Variants in ZNF875 observed in about 807,000 individuals in gnomAD.
ZNF875 encodes zinc finger protein 875.
ZNF875 carries 14 observed loss-of-function variants against 11.2 expected under a neutral mutation model. That is an observed-to-expected ratio of 1.26 (90% confidence interval 0.83 to 1.96). The LOEUF is 1.96. ZNF875 is among the 30% of genes most tolerant of loss of function. The pLI is 0.00. For missense variants in ZNF875, 752 were observed against 760.4 expected (o/e 0.99, Z 0.13); for synonymous variants, 301 against 281.1 (o/e 1.07, Z -0.71).
At chr19:37,350,334 G>A (rs374595742) in intron 4 of ZNF875, among the ~76,000 whole-genome samples, 2 of 150,656 alleles carry the variant, frequency 1.3e-5, no homozygotes, top group East Asian at 2.0e-4. Context: ...CTCATGATCC[G>A]CCCACCTCAG....
rs187024486 is a variant in ZNF875 at position 37,339,369 on chromosome 19, T to G, written c.33+4112T>G. Among the ~76,000 whole-genome samples, 4 of 152,182 alleles carry G rather than the reference T, an allele frequency of 2.6e-5. No homozygotes were observed. The East Asian group carries it at 7.7e-4, about 29-fold the overall frequency. ...GATGAACTCATCCATTGTTTCCCAA[T>G]TTTTGGACTCCTGTTTCCAATGTTT... On this transcript the variant is annotated intron_variant, in intron 2 of 4. Transcript: ENST00000392153.
intron 4 of ZNF875, among the ~76,000 whole-genome samples, chr19:37,352,272 A>G: frequency 6.6e-6 from 1 of 151,360 alleles, no homozygotes; most frequent in East Asian, 1.9e-4. Context: ...GCTGGAGTGC[A>G]GTGGCACTTT....
rs1568667817 is a variant in ZNF875, at chr19:37,362,761, A to G, written c.909A>G (p.Thr303=). 1.9e-6 allele frequency: 3 copies of G among 1,613,924 alleles called. No homozygotes were observed. The highest frequency in any genetic ancestry group is 1.7e-4 in the Middle Eastern group (1 of 6,058). The change falls in exon 5 of 5, where the codon ACA becomes ACG. Residue 303 remains threonine (T), a synonymous_variant. Coordinates refer to ENST00000392153, the MANE Select transcript of ZNF875 (RefSeq NM_001353803.2). ...WKSNLITHQR[T]HSGEKPYVCK... ...CAAACCTGATCACACATCAGAGGAC[A>G]CACTCAGGGGAGAAACCTTATGTGT... is the stretch of plus-strand genomic sequence containing the variant.
At chr19:37,342,563 C>A (rs997334794) in intron 2 of ZNF875, among the ~76,000 whole-genome samples, 12 of 152,048 alleles carry the variant, frequency 7.9e-5, no homozygotes, top group African/African-American at 2.9e-4. Context: ...CAGGCATGCG[C>A]CACCACACCT....
Position 37,362,865 on chromosome 19 carries a change from A to T in ZNF875, c.1013A>T (p.Tyr338Phe), listed in dbSNP as rs372430557. Reference sequence around the variant, plus strand: ...CGGACACACTCAGGGCTCAAGCCTTATGTGTGCAAGGAATGTGGGCAGAGC... The same window carrying T: ...CGGACACACTCAGGGCTCAAGCCTTTTGTGTGCAAGGAATGTGGGCAGAGC... ...HQRTHSGLKP[Y>F]VCKECGQSFS... Residue 338 changes from tyrosine to phenylalanine, a missense_variant, in exon 5 of 5, where the codon TAT becomes TTT. Transcript: ENST00000392153. 28 of 1,613,962 alleles carry T rather than the reference A, an allele frequency of 1.7e-5. No homozygotes were observed. The highest frequency in any genetic ancestry group is 2.4e-5 in the Non-Finnish European group (28 of 1,180,012).
intron 1 of ZNF875, 30 bp from the exon 2 acceptor site, chr19:37,335,139 G>C: frequency 1.4e-6 from 1 of 692,520 alleles, no homozygotes; most frequent in Non-Finnish European, 2.6e-6. Flanking sequence ...TTTCCACCTA[G>C]GCCACTCTTA....
At chr19:37,337,343 A>G (rs932053165) in intron 2 of ZNF875, 1 of 152,154 alleles carries the variant, frequency 6.6e-6, no homozygotes, top group African/African-American at 2.4e-5. Context: ...AGCAGGGTAG[A>G]CTTTGTCTTT....
chr19:37,342,687 C>G (rs2035977450), intron 2 of ZNF875, among the ~76,000 whole-genome samples: 1 of 152,152 alleles, frequency 6.6e-6, no homozygotes, highest in African/African-American at 2.4e-5. Context: ...GTTGGGATTA[C>G]AAATGTGAGC....
intron 1 of ZNF875, among the ~76,000 whole-genome samples, chr19:37,321,218 G>A (rs62109234): frequency 6.6e-6 from 1 of 152,148 alleles, no homozygotes; most frequent in Admixed American, 6.5e-5. Flanking sequence ...AGGGTCCGTG[G>A]TGAGGAGGAT....
intron 4 of ZNF875, among the ~76,000 whole-genome samples, chr19:37,328,255 GAGAA>G (rs2032838759): frequency 6.6e-6 from 1 of 152,064 alleles, no homozygotes; most frequent in Non-Finnish European, 1.5e-5. Flanking sequence ...AAGAAAAAAA[GAGAA>G]AGGGTGGAAA....
At chr19:37,344,850 A>G (rs1038570885) in intron 2 of ZNF875, 76 of 906,648 alleles carry the variant, frequency 8.4e-5, no homozygotes, top group Middle Eastern at 5.2e-4. Flanking sequence ...CAAGGGGTGT[A>G]TGTGTGTATG....
At position 37,347,293 on chromosome 19, in the gene ZNF875, CTT is replaced by C. The variant is rs2036990334; in HGVS notation, c.138_139del (p.Tyr47Ter). 1.2e-6 allele frequency: 2 copies of C among 1,613,754 alleles called. No homozygotes were observed. Among genetic ancestry groups the C allele is most frequent in the African/African-American group, 1.3e-5 (1 of 74,928 alleles). On this transcript the variant is annotated frameshift_variant, in exon 3 of 5. Transcript: ENST00000392153. LOFTEE classifies it high-confidence loss of function. ...CTGCACAGGGAGGTGATGCTGGAGA[CTT>C]ATAACCATCTGGTCTCACTGGGTAA...
intron 2 of ZNF875, among the ~76,000 whole-genome samples, chr19:37,338,828 T>C (rs1386533107): frequency 6.6e-6 from 1 of 152,126 alleles, no homozygotes; most frequent in African/African-American, 2.4e-5. Flanking sequence ...TTCAGGAGCG[T>C]TGGGTAGAAT....
intron 4 of ZNF875, among the ~76,000 whole-genome samples, chr19:37,356,196 A>T (rs13345116): frequency 0.27 from 41,820 of 152,086 alleles, 7,232 homozygotes; most frequent in African/African-American, 0.48. Context: ...GCCTATACGA[A>T]GATTCCATGA....
chr19:37,316,805 G>A (rs1300923385), upstream of ZNF875, among the ~76,000 whole-genome samples: 2 of 151,748 alleles, frequency 1.3e-5, no homozygotes, highest in African/African-American at 2.4e-5. Context: ...CGGGATTACA[G>A]GCGCCCGCCA....
chr19:37,347,421 T>G, intron 3 of ZNF875, 105 bp downstream of exon 3: 1 of 1,117,436 alleles, frequency 8.9e-7, no homozygotes, highest in Non-Finnish European at 1.3e-6. Flanking sequence ...GAGTTGAGCT[T>G]GAAAACAATT....
chr19:37,343,406 A>G (rs1201591722), intron 2 of ZNF875, among the ~76,000 whole-genome samples: 1 of 151,630 alleles, frequency 6.6e-6, no homozygotes, highest in Non-Finnish European at 1.5e-5. Context: ...TTAGCAGCTT[A>G]AAATGAAATC....
Position 37,362,097 on chromosome 19 carries a change from T to C in ZNF875, c.257-12T>C, listed in dbSNP as rs764355928. 34 of 1,597,800 alleles carry C rather than the reference T, an allele frequency of 2.1e-5. No homozygotes were observed. The highest frequency in any genetic ancestry group is 3.3e-4 in the Middle Eastern group (2 of 5,976). ...ACCTATGGCCCCTCTGAAAATGTTC[T>C]TTCTTCAGCAGAATCGAAGCCAGAA... On this transcript the variant is annotated splice_polypyrimidine_tract_variant and intron_variant, in intron 4 of 4. Transcript: ENST00000392153.
At chr19:37,332,479 A>G (rs906344821), upstream of ZNF875, among the ~76,000 whole-genome samples, 9 of 152,088 alleles carry the variant, frequency 5.9e-5, no homozygotes, top group Non-Finnish European at 1.3e-4. Context: ...GGCCTCCCAA[A>G]GTGCTGGGAT....
Sources: gnomAD v4.1 joint callset for allele counts (sites outside exome capture counted in the v4.1 genomes callset) on GRCh38, gnomAD v4.1.1 for gene constraint, MANE v1.5 for transcripts, NCBI Gene and HGNC (gene_info 2026-07-23, HGNC 2026-07-21) for gene names.